Variants in ZFAND4 observed in about 807,000 individuals in gnomAD.
ZFAND4 encodes the protein AN1-type zinc finger protein 4.
In ZFAND4, 43 loss-of-function variants were observed where a neutral mutation model predicts 64.4. The observed-to-expected ratio is 0.67, with a 90% CI of 0.52 to 0.86. ZFAND4 has a LOEUF of 0.86. Ranked by LOEUF, ZFAND4 falls within the 40% of genes least tolerant of loss-of-function variation. The pLI, the probability that ZFAND4 is intolerant of heterozygous loss-of-function variation, is 0.00. For missense variants in ZFAND4, 929 were observed against 859.8 expected (o/e 1.08, Z -1.01); for synonymous variants, 296 against 305.7 (o/e 0.97, Z 0.33).
In ZFAND4 at chr10:45,636,542, T is replaced by G. The variant is rs572866788; in HGVS notation, c.717+3274A>C. On this transcript the variant is annotated intron_variant, in intron 6 of 9. Coordinates refer to ENST00000344646, the MANE Select transcript of ZFAND4 (RefSeq NM_174890.4). ...GTCCCAGCTACTCAGGAGGCTGAGG[T>G]AAGACAATCGCTTAAACCTGGGAGG... 6.6e-5 allele frequency among the ~76,000 whole-genome samples: 10 copies of G among 151,676 alleles called. No individual in the cohort carries two copies. In the South Asian group the frequency reaches 1.9e-3, roughly 28 times the overall value.
chr10:45,668,812 G>A (rs987447482), intron 1 of ZFAND4, among the ~76,000 whole-genome samples: 5 of 151,170 alleles, frequency 3.3e-5, no homozygotes, highest in South Asian at 2.1e-4. Context: ...GGTAAATAAC[G>A]AAATGAAGGC....
chr10:45,647,275 G>C (rs1160210606), intron 5 of ZFAND4, among the ~76,000 whole-genome samples: 7 of 152,116 alleles, frequency 4.6e-5, no homozygotes, highest in African/African-American at 1.4e-4. Context: ...CCAGCAATAA[G>C]AGTGACTCTG....
chr10:45,635,177 T>C (rs1215155661), intron 6 of ZFAND4, among the ~76,000 whole-genome samples: 2 of 38,364 alleles, frequency 5.2e-5, no homozygotes, highest in Admixed American at 3.8e-4. Flanking sequence ...AGACACAGAA[T>C]AGTCAAAGCC....
chr10:45,642,733 G>A (rs1280003410), intron 5 of ZFAND4, among the ~76,000 whole-genome samples: 2 of 149,810 alleles, frequency 1.3e-5, no homozygotes, highest in Non-Finnish European at 3.0e-5. Context: ...ATGAAGTATA[G>A]ATTCATGAGA....
At chr10:45,646,180 A>G (rs1189250480) in intron 5 of ZFAND4, among the ~76,000 whole-genome samples, 1 of 152,170 alleles carries the variant, frequency 6.6e-6, no homozygotes, top group Non-Finnish European at 1.5e-5. Flanking sequence ...AAAGTACCCA[A>G]TTGTTAGTCT....
rs550238421 is a variant in ZFAND4, at chr10:45,620,352, G to A, written c.1928-2092C>T. On this transcript the variant is annotated intron_variant, in intron 8 of 9. Transcript: ENST00000344646. The stretch of plus-strand genomic sequence containing the variant: ...ATAAATTAGCTGGGCATGGTAGCAC[G>A]CGCCTGTAGTCCCAGCTACTCAGGA... Among the ~76,000 whole-genome samples, 9 of 152,162 alleles carry A rather than the reference G, an allele frequency of 5.9e-5. 1 individual carries two copies. The South Asian group carries it at 1.5e-3, about 25-fold the overall frequency.
chr10:45,640,006 G>T, intron 5 of ZFAND4, 43 bp from the exon 6 acceptor site: 1 of 1,567,484 alleles, frequency 6.4e-7, no homozygotes, highest in Non-Finnish European at 8.6e-7. Context: ...TCTGATACCT[G>T]CTCAGTGACT....
At chr10:45,621,335 G>C (rs560084820) in intron 8 of ZFAND4, among the ~76,000 whole-genome samples, 1 of 151,322 alleles carries the variant, frequency 6.6e-6, no homozygotes, top group Non-Finnish European at 1.5e-5. Flanking sequence ...AAGTTACACA[G>C]CTCTACTGCA....
intron 8 of ZFAND4, among the ~76,000 whole-genome samples, chr10:45,622,788 G>A (rs367952267): frequency 3.5e-4 from 54 of 152,262 alleles, no homozygotes; most frequent in African/African-American, 1.2e-3. Flanking sequence ...TTGGTAGTCC[G>A]TTGAAGACGG....
intron 6 of ZFAND4, among the ~76,000 whole-genome samples, chr10:45,637,329 G>C (rs376052463): frequency 4.2e-5 from 5 of 120,036 alleles, no homozygotes; most frequent in African/African-American, 1.6e-4. Flanking sequence ...GACACAGCAA[G>C]ACTCCGTCTC....
chr10:45,650,493 CAG>C (rs2047688504), intron 4 of ZFAND4: 1 of 149,158 alleles, frequency 6.7e-6, no homozygotes, highest in Non-Finnish European at 1.5e-5. Context: ...GCCTCGGTGA[CAG>C]AGCAAGACTC....
At chr10:45,654,146 C>T (rs757357485) in intron 2 of ZFAND4, among the ~76,000 whole-genome samples, 4 of 152,000 alleles carry the variant, frequency 2.6e-5, no homozygotes, top group Non-Finnish European at 5.9e-5. Context: ...AAGATGGGAA[C>T]AATAAACACT....
In ZFAND4 at chr10:45,627,062, G is replaced by A. The variant is rs762830238; in HGVS notation, c.761C>T (p.Pro254Leu). Residue 254 changes from proline (P) to leucine (L), a missense_variant, in exon 7 of 10, where the codon CCT becomes CTT. Transcript: ENST00000344646. Reference sequence around the variant, plus strand: ...TGCAGTGGAACCACTAGAAGGTCGAGGAGCTACAGGTGGGTGAGGTTTTAT... The same window carrying A: ...TGCAGTGGAACCACTAGAAGGTCGAAGAGCTACAGGTGGGTGAGGTTTTAT... The part of the protein sequence containing the change: ...VKIKPHPPVA[P>L]RPSSGSTAPS... 3 of 1,576,332 alleles carry A rather than the reference G, an allele frequency of 1.9e-6. No homozygotes were observed. The highest frequency in any genetic ancestry group is 1.8e-5 in the Admixed American group (1 of 55,994).
rs192541089 is a variant in ZFAND4, at chr10:45,627,966, A to G, written c.718-861T>C. Among the ~76,000 whole-genome samples the G allele has an allele frequency of 1.0e-3, 154 of 152,290 alleles. 2 individuals are homozygous for G. The highest frequency in any genetic ancestry group is 1.5e-3 in the Non-Finnish European group (100 of 68,020). On this transcript the variant is annotated intron_variant, in intron 6 of 9. Coordinates refer to ENST00000344646, the MANE Select transcript of ZFAND4 (RefSeq NM_174890.4). ...TCTTTTTGCTGTAATAAGTACAACTATATACAGCAACATACTACAGCCCTG... is the reference window on the plus strand; with the variant it reads ...TCTTTTTGCTGTAATAAGTACAACTGTATACAGCAACATACTACAGCCCTG...
rs542422988 is a variant in ZFAND4, at chr10:45,651,988, G to A, written c.306C>T (p.Gly102=). 8 of 1,613,554 alleles carry A rather than the reference G, an allele frequency of 5.0e-6. No individual in the cohort carries two copies. The highest frequency in any genetic ancestry group is 3.3e-5 in the South Asian group (3 of 91,060). Reference sequence around the variant, plus strand: ...TACCTCTTCTAGTATTTATAGGTCCGCCACGCATAGCCAAAACTAGCTTCA... The same window carrying A: ...TACCTCTTCTAGTATTTATAGGTCCACCACGCATAGCCAAAACTAGCTTCA... ...CTLKLVLAMR[G]GPINTRRVPT... Residue 102 remains glycine, a synonymous_variant, in exon 4 of 10, where the codon GGC becomes GGT. Coordinates refer to ENST00000344646, the MANE Select transcript of ZFAND4 (RefSeq NM_174890.4).
chr10:45,616,266 G>T lies in ZFAND4; in HGVS notation c.*170C>A, dbSNP rs781650311. 1 of 898,848 alleles carries T rather than the reference G, an allele frequency of 1.1e-6. No individual in the cohort carries two copies. The highest frequency in any genetic ancestry group is 1.6e-6 in the Non-Finnish European group (1 of 627,814). The allele number at this position is 898,848 out of a possible 1,614,324, so 55.7% of individuals were successfully genotyped here. A position where few individuals can be genotyped will look rare whatever the true frequency, so the allele number is the denominator to read the frequency against. ...ACTTTTAAAACTTTTGTTTCACCAAGAAATAAAGATGTAAAATACAGTAGC... is the reference window on the plus strand; with the variant it reads ...ACTTTTAAAACTTTTGTTTCACCAATAAATAAAGATGTAAAATACAGTAGC... On this transcript the variant is annotated 3_prime_UTR_variant, in exon 10 of 10. Transcript: ENST00000344646.
chr10:45,654,049 A>G (rs1040437765), intron 2 of ZFAND4, among the ~76,000 whole-genome samples: 4 of 152,222 alleles, frequency 2.6e-5, no homozygotes, highest in African/African-American at 9.6e-5. Flanking sequence ...CCATCATCCT[A>G]AGAGAACAAA....
At chr10:45,643,363 T>A (rs1017149107) in intron 5 of ZFAND4, among the ~76,000 whole-genome samples, 1 of 151,888 alleles carries the variant, frequency 6.6e-6, no homozygotes, top group Non-Finnish European at 1.5e-5. Context: ...TGTCTCCTTA[T>A]CTATCTTTCT....
Position 45,616,368 on chromosome 10 carries a change from T to C in ZFAND4, c.*68A>G, listed in dbSNP as rs544567848. ...TTTTAGAGTCGAACAAAAATAATAGTCTAAACAACATTTCTTCTGTCATTA... is the reference window on the plus strand; with the variant it reads ...TTTTAGAGTCGAACAAAAATAATAGCCTAAACAACATTTCTTCTGTCATTA... On this transcript the variant is annotated 3_prime_UTR_variant, in exon 10 of 10. Coordinates refer to ENST00000344646, the MANE Select transcript of ZFAND4 (RefSeq NM_174890.4). 216 of 1,575,684 alleles carry C rather than the reference T, an allele frequency of 1.4e-4. No individual in the cohort carries two copies. The African/African-American group carries it at 2.7e-3, about 20-fold the overall frequency.
Sources: gnomAD v4.1 joint callset for allele counts (sites outside exome capture counted in the v4.1 genomes callset) on GRCh38, gnomAD v4.1.1 for gene constraint, MANE v1.5 for transcripts, NCBI Gene and HGNC (gene_info 2026-07-23, HGNC 2026-07-21) for gene names.